The following TNS3 variants were observed in gnomAD, a reference collection of about 807,000 sequenced individuals.
TNS3 encodes tensin-3.
A neutral mutation model predicts 140.9 loss-of-function variants in TNS3; 45 were observed. The ratio of observed to expected loss-of-function variants is 0.32; its 90% CI spans 0.25 to 0.41. TNS3 has a LOEUF of 0.41. TNS3 is among the 10% of genes least tolerant of loss of function. The pLI is 1.00. For synonymous variants in TNS3, 815 were observed against 788.4 expected (o/e 1.03, Z -0.56); for missense variants, 1,716 against 1,906.7 (o/e 0.90, Z 1.86).
chr7:47,440,873 T>C (rs1795435587), intron 5 of TNS3, among the ~76,000 whole-genome samples: 1 of 152,192 alleles, frequency 6.6e-6, no homozygotes, highest in Non-Finnish European at 1.5e-5. Context: ...CTCTTTCTTT[T>C]AATTTTGGAA....
In TNS3 at chr7:47,344,953, G is replaced by C; in HGVS notation, c.2537C>G (p.Ala846Gly). 1 of 1,614,198 alleles carries C rather than the reference G, an allele frequency of 6.2e-7. No homozygotes were observed. Among genetic ancestry groups the C allele is most frequent in the Non-Finnish European group, 8.5e-7 (1 of 1,180,030 alleles). ...CGGTGTCTCTGGAGACACAGGAAAT[G>C]CTGGAGTTGAACACATGGACTCCTT... is the stretch of plus-strand genomic sequence containing the variant. ...SSKESMCSTPAFPVSPETPYV... is the reference protein window; with the variant it reads ...SSKESMCSTPGFPVSPETPYV... The change falls in exon 19 of 31, where the codon GCA becomes GGA. Residue 846 changes from alanine to glycine, a missense_variant. Physicochemically the swap from Ala to Gly is moderately conservative, Grantham distance 60. This residue lies in a region of TNS3 where 1,163 missense variants were observed against 1,182.1 expected (regional missense o/e 0.98). Transcript: ENST00000311160.
intron 7 of TNS3, among the ~76,000 whole-genome samples, chr7:47,436,776 A>G: frequency 6.6e-6 from 1 of 152,242 alleles, no homozygotes; most frequent in East Asian, 1.9e-4. Context: ...TATTCTATAC[A>G]TATATTTGTT....
Position 47,541,111 on chromosome 7 carries a change from G to A in TNS3, c.-264-11964C>T, listed in dbSNP as rs989436878. Among the ~76,000 whole-genome samples, 14 of 152,164 alleles carry A rather than the reference G, an allele frequency of 9.2e-5. 1 individual carries two copies. Among genetic ancestry groups the A allele is most frequent in the Non-Finnish European group, 1.3e-4 (9 of 68,034 alleles). ...CAGATAAATGTACAGGGGAGAGGAC[G>A]GCCATAGCAGTGGAGAGGTGACGGG... On this transcript the variant is annotated intron_variant, in intron 1 of 30. Transcript: ENST00000311160.
intron 10 of TNS3, among the ~76,000 whole-genome samples, chr7:47,419,260 G>A (rs1328681988): frequency 1.3e-5 from 2 of 152,240 alleles, no homozygotes; most frequent in African/African-American, 4.8e-5. Flanking sequence ...GCTCAGAGGG[G>A]ATGTCCAGGC....
At chr7:47,363,579 T>C (rs565154289) in intron 17 of TNS3, among the ~76,000 whole-genome samples, 1 of 152,366 alleles carries the variant, frequency 6.6e-6, no homozygotes, top group South Asian at 2.1e-4. Flanking sequence ...CTGAGGTCTC[T>C]GTGACAAACC....
At chr7:47,435,489 T>A in intron 7 of TNS3, 85 bp from the exon 8 acceptor site, 2 of 1,579,632 alleles carry the variant, frequency 1.3e-6, no homozygotes, top group Admixed American at 3.4e-5. Flanking sequence ...TCATCATCAG[T>A]ACATTTCATT....
chr7:47,444,330 A>T (rs1045159461), intron 4 of TNS3, among the ~76,000 whole-genome samples: 4 of 152,228 alleles, frequency 2.6e-5, no homozygotes, highest in Non-Finnish European at 5.9e-5. Flanking sequence ...ACACTGGCCC[A>T]GTTCCTACAA....
intron 5 of TNS3, among the ~76,000 whole-genome samples, chr7:47,441,488 T>C (rs1795463550): frequency 6.6e-6 from 1 of 152,254 alleles, no homozygotes; most frequent in South Asian, 2.1e-4. Flanking sequence ...TACATTTATT[T>C]TTTAAGGTTG....
At chr7:47,564,642 AAAAAAAAC>A (rs1386235537) in intron 1 of TNS3, among the ~76,000 whole-genome samples, 55 of 57,124 alleles carry the variant, frequency 9.6e-4, no homozygotes, top group African/African-American at 1.2e-3. Context: ...TCTCAAAAAA[AAAAAAAAC>A]AAAAAAAAAC....
At chr7:47,417,370 G>A (rs1282811051) in intron 10 of TNS3, among the ~76,000 whole-genome samples, 1 of 152,254 alleles carries the variant, frequency 6.6e-6, no homozygotes, top group Non-Finnish European at 1.5e-5. Context: ...ATTTCCTTCA[G>A]ATGAGGAGGG....
intron 2 of TNS3, among the ~76,000 whole-genome samples, chr7:47,526,962 G>A (rs1008250859): frequency 2.0e-5 from 3 of 152,188 alleles, no homozygotes; most frequent in Non-Finnish European, 2.9e-5. Context: ...GCCGGGCGTG[G>A]TGGCTCACGC....
rs866357836 is a variant in TNS3 at position 47,530,956 on chromosome 7, G to A, written c.-264-1809C>T. Reference sequence around the variant, plus strand: ...AGAGAAAGATCTTAAAAACAACCACGGGGCCAAAAGACACATTACATGCAG... The same window carrying A: ...AGAGAAAGATCTTAAAAACAACCACAGGGCCAAAAGACACATTACATGCAG... On this transcript the variant is annotated intron_variant, in intron 1 of 30. Transcript: ENST00000311160. 4.7e-5 allele frequency among the ~76,000 whole-genome samples: 7 copies of A among 149,894 alleles called. No homozygotes were observed. In the Admixed American group the frequency reaches 4.7e-4, roughly 10 times the overall value.
chr7:47,280,027 T>C (rs571775568), intron 30 of TNS3, 137 bp downstream of exon 30: 1 of 1,055,134 alleles, frequency 9.5e-7, no homozygotes, highest in Admixed American at 2.3e-5. Flanking sequence ...CACTTTTACT[T>C]TTTTCTTTTT....
intron 25 of TNS3, 135 bp downstream of exon 25, chr7:47,293,598 A>C: frequency 1.4e-6 from 1 of 723,414 alleles, no homozygotes; most frequent in Non-Finnish European, 2.4e-6. Context: ...GCAGATCAGC[A>C]GGATTTCAGA....
chr7:47,351,538 A>G (rs1789671826), intron 17 of TNS3, among the ~76,000 whole-genome samples: 1 of 151,712 alleles, frequency 6.6e-6, no homozygotes, highest in African/African-American at 2.4e-5. Flanking sequence ...TGAACGTGAG[A>G]CTCCACGCTA....
At chr7:47,448,882 C>T (rs1795882303) in intron 4 of TNS3, among the ~76,000 whole-genome samples, 1 of 152,164 alleles carries the variant, frequency 6.6e-6, no homozygotes, top group South Asian at 2.1e-4. Context: ...TCAGACAGAC[C>T]TGGGTGTGAG....
chr7:47,453,089 G>C (rs1460708908), intron 4 of TNS3: 1 of 985,508 alleles, frequency 1.0e-6, no homozygotes, highest in Non-Finnish European at 1.2e-6. Context: ...AGCTGGAATA[G>C]CCCACCAGGT....
intron 1 of TNS3, among the ~76,000 whole-genome samples, chr7:47,547,586 G>C (rs1473833698): frequency 6.6e-6 from 1 of 151,974 alleles, no homozygotes; most frequent in Non-Finnish European, 1.5e-5. Flanking sequence ...AGATGGCCAG[G>C]TCCACATTGT....
At chr7:47,406,738 A>G (rs1406146816) in intron 13 of TNS3, among the ~76,000 whole-genome samples, 2 of 152,204 alleles carry the variant, frequency 1.3e-5, no homozygotes. Context: ...GACTGTTGCC[A>G]AAAGAAATAA....
Sources: allele counts gnomAD v4.1 joint callset (sites outside exome capture counted in the v4.1 genomes callset), GRCh38; gene constraint gnomAD v4.1.1; regional missense constraint gnomAD v4.1.1; transcripts MANE v1.5; gene names NCBI Gene and HGNC (gene_info 2026-07-23, HGNC 2026-07-21).